The following XXYLT1 variants were observed in gnomAD, a reference collection of about 807,000 sequenced individuals.
XXYLT1 encodes UDP-xylose:alpha-xyloside alpha-1,3-xylosyltransferase.
XXYLT1 carries 20 observed loss-of-function variants against 28.9 expected under a neutral mutation model. The ratio of observed to expected loss-of-function variants is 0.69; its 90% CI spans 0.49 to 1.00. The LOEUF is 1.00. Among genes scored for constraint, XXYLT1 ranks in the 50% least tolerant of loss-of-function variants. XXYLT1 has a pLI of 0.00. For missense variants in XXYLT1, 542 were observed against 560.1 expected (o/e 0.97, Z 0.33); for synonymous variants, 257 against 253.8 (o/e 1.01, Z -0.12).
At chr3:195,214,845 G>C (rs1723493433) in intron 2 of XXYLT1, 1 of 152,118 alleles carries the variant, frequency 6.6e-6, no homozygotes, top group African/African-American at 2.4e-5. Flanking sequence ...GATTAGCATG[G>C]CCCCTGCGCA....
At chr3:195,160,828 C>T (rs1720834113) in intron 2 of XXYLT1, among the ~76,000 whole-genome samples, 1 of 152,208 alleles carries the variant, frequency 6.6e-6, no homozygotes, top group African/African-American at 2.4e-5. Context: ...CAGGGCGTGT[C>T]CCCAAGGGGA....
chr3:195,243,889 C>T (rs1262303017), intron 1 of XXYLT1, among the ~76,000 whole-genome samples: 1 of 152,168 alleles, frequency 6.6e-6, no homozygotes, highest in African/African-American at 2.4e-5. Flanking sequence ...TTTTGTCAGG[C>T]AGCACCACAA....
chr3:195,186,944 G>T (rs1463837342), intron 2 of XXYLT1, among the ~76,000 whole-genome samples: 1 of 149,978 alleles, frequency 6.7e-6, no homozygotes, highest in Admixed American at 6.6e-5. Context: ...ACCCAGGCTA[G>T]AGTGCAGTGG....
chr3:195,089,793 A>G (rs1716027653), intron 3 of XXYLT1, among the ~76,000 whole-genome samples: 1 of 151,104 alleles, frequency 6.6e-6, no homozygotes, highest in African/African-American at 2.4e-5. Context: ...TCTCACATGC[A>G]GAGACACACA....
intron 3 of XXYLT1, among the ~76,000 whole-genome samples, chr3:195,127,991 C>T (rs535318959): frequency 1.3e-5 from 2 of 152,276 alleles, no homozygotes; most frequent in African/African-American, 4.8e-5. Context: ...ACATCCGTCT[C>T]CTCATACAGA....
intron 2 of XXYLT1, chr3:195,175,664 G>A (rs1333970807): frequency 6.5e-7 from 1 of 1,536,160 alleles, no homozygotes; most frequent in Admixed American, 2.0e-5. Context: ...TTGCAGCGAG[G>A]TGGCCACATG....
intron 1 of XXYLT1, among the ~76,000 whole-genome samples, chr3:195,244,012 C>T (rs1397877845): frequency 6.6e-6 from 1 of 152,196 alleles, no homozygotes; most frequent in Non-Finnish European, 1.5e-5. Flanking sequence ...CTCCTCCCCA[C>T]GCTGTCCTCA....
chr3:195,122,633 G>A (rs752867952), intron 3 of XXYLT1, among the ~76,000 whole-genome samples: 1 of 152,230 alleles, frequency 6.6e-6, no homozygotes, highest in South Asian at 2.1e-4. Context: ...CCACAGGAAG[G>A]GGGAGGCGAC....
chr3:195,201,118 T>TCTGATCCA (rs1722832014), intron 2 of XXYLT1, among the ~76,000 whole-genome samples: 1 of 152,228 alleles, frequency 6.6e-6, no homozygotes, highest in Non-Finnish European at 1.5e-5. Flanking sequence ...TCTGGGTAAT[T>TCTGATCCA]CTGATCCATC....
At chr3:195,086,782 C>A (rs1715752758) in intron 3 of XXYLT1, among the ~76,000 whole-genome samples, 1 of 152,100 alleles carries the variant, frequency 6.6e-6, no homozygotes, top group Admixed American at 6.5e-5. Flanking sequence ...TTAGGAGATA[C>A]TTAGCAGGTG....
At chr3:195,179,795 C>T (rs542737021) in intron 2 of XXYLT1, among the ~76,000 whole-genome samples, 36 of 152,076 alleles carry the variant, frequency 2.4e-4, no homozygotes, top group Non-Finnish European at 4.6e-4. Flanking sequence ...CACTTGCAGC[C>T]GTAGAGATGT....
chr3:195,156,644 C>G, intron 2 of XXYLT1, 63 bp from the exon 3 acceptor site: 1 of 1,586,220 alleles, frequency 6.3e-7, no homozygotes, highest in African/African-American at 1.3e-5. Context: ...CGGCCACGGA[C>G]AGAAAATGAA....
At chr3:195,090,865 A>C (rs1277087514) in intron 3 of XXYLT1, among the ~76,000 whole-genome samples, 1 of 151,612 alleles carries the variant, frequency 6.6e-6, no homozygotes, top group Admixed American at 6.6e-5. Flanking sequence ...ATCTCACAGA[A>C]ATACAAACTA....
chr3:195,133,170 G>T lies in XXYLT1; in HGVS notation c.785+23279C>A, dbSNP rs574104750. Among the ~76,000 whole-genome samples, 2 of 152,336 alleles carry T rather than the reference G, an allele frequency of 1.3e-5. No homozygotes were observed. Among genetic ancestry groups the T allele is most frequent in the East Asian group, 3.9e-4 (2 of 5,184 alleles). ...AGGAATCAGGCAGATTAAGGGGCAT[G>T]AAATGTGAAGAGAAAGACGGCTGAA... On this transcript the variant is annotated intron_variant, in intron 3 of 3. Coordinates refer to ENST00000310380, the MANE Select transcript of XXYLT1 (RefSeq NM_152531.5). The surrounding 1 kb of genome is among the most constrained non-coding windows in gnomAD (Gnocchi z 4.4).
chr3:195,227,287 C>T (rs1724101510), intron 1 of XXYLT1, among the ~76,000 whole-genome samples: 1 of 152,180 alleles, frequency 6.6e-6, no homozygotes, highest in African/African-American at 2.4e-5. Flanking sequence ...GCATCGCCAC[C>T]TCCTGGTGGC....
chr3:195,223,629 A>C (rs1028648104), intron 2 of XXYLT1, among the ~76,000 whole-genome samples: 1 of 152,208 alleles, frequency 6.6e-6, no homozygotes, highest in East Asian at 1.9e-4. Context: ...TGACAAACTC[A>C]AGACAGCACG....
At chr3:195,169,673 C>T (rs73893249) in intron 2 of XXYLT1, among the ~76,000 whole-genome samples, 3,114 of 152,030 alleles carry the variant, frequency 0.02, 112 homozygotes, top group African/African-American at 0.069. Context: ...AGTAAAGGAG[C>T]GACTGTATTT....
intron 1 of XXYLT1, among the ~76,000 whole-genome samples, chr3:195,265,757 G>A (rs1725830512): frequency 1.3e-5 from 2 of 152,190 alleles, no homozygotes; most frequent in Admixed American, 1.3e-4. Flanking sequence ...AGATGTGATG[G>A]CCCCAGCCCC....
intron 1 of XXYLT1, among the ~76,000 whole-genome samples, chr3:195,232,008 T>C (rs1283367798): frequency 2.0e-5 from 3 of 152,144 alleles, no homozygotes; most frequent in Non-Finnish European, 4.4e-5. Flanking sequence ...AGAGAAGCCA[T>C]TGCATCCTTG....
Sources: gnomAD v4.1 joint callset for allele counts (sites outside exome capture counted in the v4.1 genomes callset) on GRCh38, gnomAD v4.1.1 for gene constraint, Gnocchi (gnomAD v3.1) non-coding constraint, MANE v1.5 for transcripts, NCBI Gene and HGNC (gene_info 2026-07-23, HGNC 2026-07-21) for gene names.